Variants in KCNN2 observed in about 807,000 individuals in gnomAD.
The protein encoded by KCNN2 is small conductance calcium-activated potassium channel protein 2.
Under a neutral mutation model 55.5 loss-of-function variants are expected in KCNN2, and 24 were observed. The observed-to-expected ratio is 0.43, with a 90% CI of 0.31 to 0.61. KCNN2 has a LOEUF of 0.61. Ranked by LOEUF, KCNN2 falls within the 20% of genes least tolerant of loss-of-function variation. KCNN2 has a pLI of 0.08. For synonymous variants in KCNN2, 431 were observed against 336.1 expected (o/e 1.28, Z -3.09); for missense variants, 754 against 853.6 (o/e 0.88, Z 1.45).
chr5:114,164,696 C>T (rs556816662), intron 1 of KCNN2, among the ~76,000 whole-genome samples: 56 of 152,152 alleles, frequency 3.7e-4, no homozygotes, highest in Admixed American at 2.2e-3. Context: ...ATTGCAAATG[C>T]GCATTTTGGA....
intron 3 of KCNN2, among the ~76,000 whole-genome samples, chr5:114,435,807 A>C (rs1221101587): frequency 6.6e-6 from 1 of 152,236 alleles, no homozygotes; most frequent in African/African-American, 2.4e-5. Context: ...TTTTACATGA[A>C]TATGAAAACA....
chr5:114,238,467 A>G (rs1754552303), intron 2 of KCNN2, among the ~76,000 whole-genome samples: 1 of 152,054 alleles, frequency 6.6e-6, no homozygotes, highest in Non-Finnish European at 1.5e-5. Context: ...CTCTACTAAA[A>G]TACAAAAAAT....
At chr5:114,421,298 T>A (rs1399491045) in intron 3 of KCNN2, among the ~76,000 whole-genome samples, 1 of 152,044 alleles carries the variant, frequency 6.6e-6, no homozygotes, top group African/African-American at 2.4e-5. Flanking sequence ...TTTTATTTTT[T>A]AAACATTTTT....
chr5:114,142,574 AACAG>A (rs1342304672), intron 1 of KCNN2, among the ~76,000 whole-genome samples: 1 of 152,210 alleles, frequency 6.6e-6, no homozygotes, highest in Non-Finnish European at 1.5e-5. Context: ...ATACACCAAT[AACAG>A]ACAAACAGAG....
At chr5:114,448,690 A>T (rs1760519914) in intron 3 of KCNN2, among the ~76,000 whole-genome samples, 1 of 152,186 alleles carries the variant, frequency 6.6e-6, no homozygotes, top group African/African-American at 2.4e-5. Flanking sequence ...CCCGAGGAAT[A>T]ATGCAATGAC....
At chr5:114,343,206 A>C (rs1355016560) in intron 2 of KCNN2, among the ~76,000 whole-genome samples, 3 of 152,188 alleles carry the variant, frequency 2.0e-5, no homozygotes, top group African/African-American at 7.2e-5. Context: ...AAGGCTTGCT[A>C]ATGAATAGCC....
chr5:114,141,034 T>C (rs894558164), intron 1 of KCNN2, among the ~76,000 whole-genome samples: 65 of 151,996 alleles, frequency 4.3e-4, no homozygotes, highest in African/African-American at 1.5e-3. Context: ...TGATCCACCC[T>C]CCTCAGCCTC....
chr5:114,402,791 A>T (rs1038886331), intron 2 of KCNN2, among the ~76,000 whole-genome samples: 1 of 152,228 alleles, frequency 6.6e-6, no homozygotes, highest in Non-Finnish European at 1.5e-5. Flanking sequence ...GGCCACCTGC[A>T]GCAGCCTGGA....
intron 1 of KCNN2, among the ~76,000 whole-genome samples, chr5:114,104,900 T>C (rs937744019): frequency 1.3e-5 from 2 of 151,970 alleles, no homozygotes; most frequent in South Asian, 4.1e-4. Flanking sequence ...GAGAGGATTG[T>C]GCTCAGGGAG....
At chr5:114,476,630 A>G (rs983017547) in intron 5 of KCNN2, among the ~76,000 whole-genome samples, 25 of 152,080 alleles carry the variant, frequency 1.6e-4, no homozygotes, top group African/African-American at 5.8e-4. Flanking sequence ...CATGTTGGTC[A>G]GGCTGGTCTG....
intron 1 of KCNN2, among the ~76,000 whole-genome samples, chr5:114,085,533 C>A (rs1428559587): frequency 6.6e-6 from 1 of 151,824 alleles, no homozygotes; most frequent in Non-Finnish European, 1.5e-5. Context: ...TTGTATATAA[C>A]CTTATATCTA....
chr5:114,492,237 A>G (rs981397517), intron 6 of KCNN2, among the ~76,000 whole-genome samples: 5 of 152,152 alleles, frequency 3.3e-5, no homozygotes, highest in African/African-American at 1.2e-4. Context: ...TGAACGTATT[A>G]CAAAATCTCC....
intron 2 of KCNN2, among the ~76,000 whole-genome samples, chr5:114,399,922 T>G (rs1758733695): frequency 7.4e-6 from 1 of 134,414 alleles, no homozygotes; most frequent in Non-Finnish European, 1.6e-5. Flanking sequence ...TTGAGGGTTT[T>G]TTTTTTTGTT....
chr5:114,093,230 C>T (rs1246575850), intron 1 of KCNN2, among the ~76,000 whole-genome samples: 1 of 152,214 alleles, frequency 6.6e-6, no homozygotes, highest in African/African-American at 2.4e-5. Context: ...TTTACTAAAG[C>T]ATAGCAAGAG....
chr5:114,343,356 T>G (rs1757051758), intron 2 of KCNN2, among the ~76,000 whole-genome samples: 1 of 152,142 alleles, frequency 6.6e-6, no homozygotes, highest in Admixed American at 6.5e-5. Context: ...TATTGAGATA[T>G]ACTATTTTCC....
intron 1 of KCNN2, among the ~76,000 whole-genome samples, chr5:114,135,943 A>G (rs188903154): frequency 1.3e-5 from 2 of 152,190 alleles, no homozygotes; most frequent in South Asian, 4.1e-4. Flanking sequence ...AGGTGGAAAG[A>G]TACTGTCTGA....
At chr5:114,343,006 ATGTTTTTTTGAGCTCTTATGC>A (rs1186709628) in intron 2 of KCNN2, among the ~76,000 whole-genome samples, 1 of 152,170 alleles carries the variant, frequency 6.6e-6, no homozygotes, top group Non-Finnish European at 1.5e-5. Context: ...CTCTCCTGAT[ATGTTTTTTTGAGCTCTTATGC>A]TGTGTTAAGT....
chr5:114,126,229 A>T (rs1166884482), intron 1 of KCNN2, among the ~76,000 whole-genome samples: 1 of 152,102 alleles, frequency 6.6e-6, no homozygotes, highest in Non-Finnish European at 1.5e-5. Flanking sequence ...GAAAGACCCT[A>T]TTGCTGAATA....
At chr5:114,076,994 C>G (rs1287713986) in intron 1 of KCNN2, among the ~76,000 whole-genome samples, 2 of 152,188 alleles carry the variant, frequency 1.3e-5, no homozygotes, top group Non-Finnish European at 2.9e-5. Flanking sequence ...CGCGCCCGGC[C>G]AAGAACTTTT....
Sources: allele counts gnomAD v4.1 joint callset (sites outside exome capture counted in the v4.1 genomes callset), GRCh38; gene constraint gnomAD v4.1.1; transcripts MANE v1.5; gene names NCBI Gene and HGNC (gene_info 2026-07-23, HGNC 2026-07-21).